The following ACAD11 variants were observed in gnomAD, a reference collection of about 807,000 sequenced individuals.
ACAD11 encodes the protein acyl-CoA dehydrogenase family member 11, also known as acyl-Coenzyme A dehydrogenase family, member 11.
ACAD11 carries 83 observed loss-of-function variants against 102.2 expected under a neutral mutation model. The observed-to-expected ratio is 0.81, with a 90% CI of 0.68 to 0.97. The LOEUF is 0.97. Among genes scored for constraint, ACAD11 ranks in the 50% least tolerant of loss-of-function variants. ACAD11 has a pLI of 0.00. For synonymous variants in ACAD11, 324 were observed against 319.8 expected (o/e 1.01, Z -0.14); for missense variants, 901 against 951.7 (o/e 0.95, Z 0.70).
At position 132,630,426 on chromosome 3, in the gene ACAD11, C is replaced by T. The variant is rs751829517; in HGVS notation, c.963+11G>A. 2 of 1,608,280 alleles carry T rather than the reference C, an allele frequency of 1.2e-6. No individual in the cohort carries two copies. The highest frequency in any genetic ancestry group is 2.2e-5 in the South Asian group (2 of 89,700). On this transcript the variant is annotated intron_variant, in intron 7 of 19. Coordinates refer to ENST00000264990, the MANE Select transcript of ACAD11 (RefSeq NM_032169.5). Reference sequence around the variant, plus strand: ...ATAATGGCGAAACACACGTTTAAAACAATTAATTACCTGTGCTATTCCAGC... The same window carrying T: ...ATAATGGCGAAACACACGTTTAAAATAATTAATTACCTGTGCTATTCCAGC...
At chr3:132,606,607 T>TA (rs1258428758) in intron 11 of ACAD11, among the ~76,000 whole-genome samples, 1 of 152,202 alleles carries the variant, frequency 6.6e-6, no homozygotes, top group East Asian at 1.9e-4. Flanking sequence ...AGGGCATCTC[T>TA]AAAAGAAAGG....
At chr3:132,588,824 A>G (rs1368116261) in intron 13 of ACAD11, among the ~76,000 whole-genome samples, 1 of 152,180 alleles carries the variant, frequency 6.6e-6, no homozygotes, top group Admixed American at 6.6e-5. Context: ...CCAAACGTCT[A>G]AATTTTCAAA....
At chr3:132,570,093 T>A (rs912516620) in intron 17 of ACAD11, among the ~76,000 whole-genome samples, 1 of 152,214 alleles carries the variant, frequency 6.6e-6, no homozygotes, top group Non-Finnish European at 1.5e-5. Flanking sequence ...TTCTGTGAGT[T>A]TTCCCAATTT....
chr3:132,575,411 T>C (rs1423638481), intron 17 of ACAD11, among the ~76,000 whole-genome samples: 1 of 152,136 alleles, frequency 6.6e-6, no homozygotes, highest in East Asian at 1.9e-4. Flanking sequence ...CACTTATGTG[T>C]CCTAATTCCT....
intron 4 of ACAD11, among the ~76,000 whole-genome samples, chr3:132,640,309 C>T (rs1222604147): frequency 2.0e-5 from 3 of 152,080 alleles, no homozygotes; most frequent in African/African-American, 4.8e-5. Flanking sequence ...AAGCTGGTCT[C>T]GAACTCCTGA....
At chr3:132,630,640 T>C (rs1940002468) in intron 6 of ACAD11, 82 bp from the exon 7 acceptor site, 1 of 1,264,206 alleles carries the variant, frequency 7.9e-7, no homozygotes, top group Non-Finnish European at 1.1e-6. Context: ...GAGACGCATA[T>C]GTAAAACGGA....
chr3:132,559,811 T>C (rs777596834), intron 19 of ACAD11, 22 bp downstream of exon 19: 9 of 1,587,584 alleles, frequency 5.7e-6, no homozygotes, highest in Non-Finnish European at 7.8e-6. Context: ...ACGTAGATGA[T>C]TCTTAAATGA....
intron 17 of ACAD11, among the ~76,000 whole-genome samples, chr3:132,571,955 C>G (rs1559933685): frequency 6.6e-6 from 1 of 152,140 alleles, no homozygotes; most frequent in Non-Finnish European, 1.5e-5. Context: ...CCACAGCAAA[C>G]ATCATACTGA....
chr3:132,587,986 T>G (rs1215000150), intron 13 of ACAD11, among the ~76,000 whole-genome samples: 1 of 152,198 alleles, frequency 6.6e-6, no homozygotes, highest in African/African-American at 2.4e-5. Context: ...GCAGTGATGG[T>G]TGCCCTAGAC....
intron 17 of ACAD11, among the ~76,000 whole-genome samples, chr3:132,565,458 TTC>T (rs1482712437): frequency 1.3e-5 from 2 of 152,122 alleles, no homozygotes; most frequent in African/African-American, 4.8e-5. Context: ...TGCCACTCCT[TTC>T]TCTGACAGAA....
chr3:132,607,637 A>C (rs886638476), intron 11 of ACAD11, among the ~76,000 whole-genome samples: 5 of 152,196 alleles, frequency 3.3e-5, no homozygotes, highest in African/African-American at 1.2e-4. Flanking sequence ...AAAAGACCAA[A>C]CCTAGGTTTG....
intron 1 of ACAD11, among the ~76,000 whole-genome samples, chr3:132,646,196 C>T (rs1007182362): frequency 2.0e-5 from 3 of 152,112 alleles, no homozygotes; most frequent in Non-Finnish European, 2.9e-5. Flanking sequence ...GATCTCTTGA[C>T]CTCGTGATCC....
At chr3:132,625,447 A>G (rs187937333) in intron 9 of ACAD11, among the ~76,000 whole-genome samples, 1 of 152,294 alleles carries the variant, frequency 6.6e-6, no homozygotes, top group Admixed American at 6.5e-5. Flanking sequence ...TCTTAACCTA[A>G]AAGTGTTGCA....
chr3:132,569,334 C>G (rs1483717489), intron 17 of ACAD11, among the ~76,000 whole-genome samples: 1 of 152,048 alleles, frequency 6.6e-6, no homozygotes, highest in Non-Finnish European at 1.5e-5. Flanking sequence ...GTGACAACAC[C>G]ATATGCTGGA....
chr3:132,616,882 A>C (rs1939428226), intron 11 of ACAD11, among the ~76,000 whole-genome samples: 1 of 152,210 alleles, frequency 6.6e-6, no homozygotes, highest in Non-Finnish European at 1.5e-5. Context: ...TTTGGAAAAG[A>C]GATAATCATT....
rs1576541301 is a variant in ACAD11 at position 132,561,029 on chromosome 3, G to A, written c.2118+72C>T. 5.8e-6 allele frequency: 7 copies of A among 1,200,582 alleles called. No individual in the cohort carries two copies. In the East Asian group the frequency reaches 1.2e-4, roughly 20 times the overall value. 74.4% of individuals were successfully genotyped at this position (1,200,582 alleles called of 1,614,324 possible). A position where few individuals can be genotyped will look rare whatever the true frequency, so the allele number is the denominator to read the frequency against. On this transcript the variant is annotated intron_variant, in intron 18 of 19. Transcript: ENST00000264990. The stretch of plus-strand genomic sequence containing the variant: ...GTGCCATCAAGATGCCATGAAAACT[G>A]AAATGTCCAACAGGTGAGAGAACTG...
intron 17 of ACAD11, among the ~76,000 whole-genome samples, chr3:132,566,641 T>A (rs1937221891): frequency 1.3e-5 from 2 of 152,146 alleles, no homozygotes; most frequent in African/African-American, 2.4e-5. Context: ...CAGCACAATA[T>A]TTTTCTAGTG....
intron 13 of ACAD11, among the ~76,000 whole-genome samples, chr3:132,581,214 T>C (rs1028389292): frequency 2.6e-5 from 4 of 151,964 alleles, no homozygotes; most frequent in African/African-American, 9.7e-5. Context: ...CCAGGGATGC[T>C]AGATGAAAAT....
chr3:132,562,751 T>C (rs1937099075), intron 17 of ACAD11, among the ~76,000 whole-genome samples: 1 of 152,232 alleles, frequency 6.6e-6, no homozygotes, highest in Admixed American at 6.5e-5. Context: ...TTAAAGTCTT[T>C]TGTCCATTTT....
Sources: gnomAD v4.1 joint callset for allele counts (sites outside exome capture counted in the v4.1 genomes callset) on GRCh38, gnomAD v4.1.1 for gene constraint, MANE v1.5 for transcripts, NCBI Gene and HGNC (gene_info 2026-07-23, HGNC 2026-07-21) for gene names.